NOVA1: variants seen among roughly 807,000 people sequenced by gnomAD.
NOVA1 encodes RNA-binding protein Nova-1.
Under a neutral mutation model 38.0 loss-of-function variants are expected in NOVA1, and 7 were observed. That is an observed-to-expected ratio of 0.18 (90% CI 0.10 to 0.35). NOVA1 has a LOEUF of 0.35. Ranked by LOEUF, NOVA1 falls within the 10% of genes least tolerant of loss-of-function variation. The pLI is 1.00. For missense variants in NOVA1, 460 were observed against 616.0 expected, an observed-to-expected ratio of 0.75 and a Z score of 2.68; for synonymous variants, 270 against 232.5, an observed-to-expected ratio of 1.16 and a Z score of -1.47.
intron 2 of NOVA1, among the ~76,000 whole-genome samples, chr14:26,490,008 T>C (rs1300890820): frequency 1.3e-5 from 2 of 152,122 alleles, no homozygotes; most frequent in Non-Finnish European, 2.9e-5. Flanking sequence ...CATTAAGAAA[T>C]AAATTTCCAT....
At position 26,448,165 on chromosome 14, in the gene NOVA1, C is replaced by G. The variant is rs141989198; in HGVS notation, c.1318G>C (p.Gly440Arg). 2 of 1,614,096 alleles carry G rather than the reference C, an allele frequency of 1.2e-6. No homozygotes were observed. Among genetic ancestry groups the G allele is most frequent in the African/African-American group, 1.3e-5 (1 of 74,940 alleles). Residue 440 changes from glycine (G) to arginine (R), a missense_variant, in exon 5 of 5, where the codon GGA becomes CGA. Coordinates refer to ENST00000539517, the MANE Select transcript of NOVA1 (RefSeq NM_002515.3). The surrounding 1 kb of genome is among the most constrained non-coding windows in gnomAD (Gnocchi z 5.3). Reference sequence around the variant, plus strand: ...TGGTATTCCACTAATGTTTTCCCTCCTTTGCCAAGTATTGCACCAACTAAG... The same window carrying G: ...TGGTATTCCACTAATGTTTTCCCTCGTTTGCCAAGTATTGCACCAACTAAG... Reference protein sequence around the residue: ...ENLVGAILGKGGKTLVEYQEL... With the variant: ...ENLVGAILGKRGKTLVEYQEL...
chr14:26,515,194 T>C (rs1249152709), intron 2 of NOVA1, among the ~76,000 whole-genome samples: 2 of 151,956 alleles, frequency 1.3e-5, no homozygotes, highest in African/African-American at 2.4e-5. Context: ...TGATTACTTT[T>C]GAAAATTCGC....
intron 2 of NOVA1, among the ~76,000 whole-genome samples, chr14:26,569,858 A>T (rs2138715657): frequency 6.6e-6 from 1 of 152,318 alleles, no homozygotes; most frequent in South Asian, 2.1e-4. Context: ...TATGATCTTC[A>T]CTTTCACTAT....
intron 2 of NOVA1, among the ~76,000 whole-genome samples, chr14:26,565,252 T>C (rs1406901726): frequency 1.3e-5 from 2 of 152,166 alleles, no homozygotes; most frequent in African/African-American, 4.8e-5. Context: ...CTTTTTGAAA[T>C]ACAGGTAGGT....
chr14:26,466,767 A>G (rs942151543), intron 4 of NOVA1, among the ~76,000 whole-genome samples: 4 of 152,152 alleles, frequency 2.6e-5, no homozygotes, highest in African/African-American at 9.7e-5. Context: ...ACACTACAAA[A>G]TGAGCTTTCA....
chr14:26,576,676 A>C (rs899061328), intron 2 of NOVA1, among the ~76,000 whole-genome samples: 2 of 151,706 alleles, frequency 1.3e-5, no homozygotes, highest in African/African-American at 4.8e-5. Flanking sequence ...TCTAACAATG[A>C]TAGATTTTAT....
intron 4 of NOVA1, among the ~76,000 whole-genome samples, chr14:26,455,967 T>C (rs908928755): frequency 2.2e-4 from 33 of 152,006 alleles, no homozygotes; most frequent in Admixed American, 6.6e-5. Context: ...GTTATACTGA[T>C]GAAAGGCTTA....
At chr14:26,513,676 A>G (rs1197605827) in intron 2 of NOVA1, among the ~76,000 whole-genome samples, 1 of 150,372 alleles carries the variant, frequency 6.7e-6, no homozygotes, top group Non-Finnish European at 1.5e-5. Flanking sequence ...TACCTCCTGT[A>G]AATTTTATTT....
chr14:26,573,673 G>A (rs894468154), intron 2 of NOVA1, among the ~76,000 whole-genome samples: 1 of 149,582 alleles, frequency 6.7e-6, no homozygotes, highest in Non-Finnish European at 1.5e-5. Flanking sequence ...GTTGAGGGAG[G>A]TCCTTAAAGA....
chr14:26,468,022 A>C lies in NOVA1; in HGVS notation c.519+4298T>G, dbSNP rs538333401. Among the ~76,000 whole-genome samples the C allele has an allele frequency of 3.3e-5, 5 of 152,296 alleles. No homozygotes were observed. In the East Asian group the frequency reaches 9.7e-4, roughly 29 times the overall value. Reference sequence around the variant, plus strand: ...GGACACATGACTTACTTCTCACTACAAGAATATGGCAAAAGTGATGCAATG... The same window carrying C: ...GGACACATGACTTACTTCTCACTACCAGAATATGGCAAAAGTGATGCAATG... On this transcript the variant is annotated intron_variant, in intron 4 of 4. Coordinates refer to ENST00000539517, the MANE Select transcript of NOVA1 (RefSeq NM_002515.3).
At chr14:26,594,809 T>C (rs1894081151) in intron 2 of NOVA1, among the ~76,000 whole-genome samples, 1 of 152,124 alleles carries the variant, frequency 6.6e-6, no homozygotes, top group African/African-American at 2.4e-5. Context: ...AATTTAGCTC[T>C]TAAGTTAACA....
chr14:26,487,647 T>C lies in NOVA1; in HGVS notation c.281-7504A>G, dbSNP rs576041257. 2.0e-5 allele frequency among the ~76,000 whole-genome samples: 3 copies of C among 152,266 alleles called. No homozygotes were observed. The East Asian group carries it at 5.8e-4, about 29-fold the overall frequency. The stretch of plus-strand genomic sequence containing the variant: ...CCACATACCTCCTAAGAATGTAATA[T>C]TAGGCCAGATAGCAAATTTAACACA... On this transcript the variant is annotated intron_variant, in intron 2 of 4. Transcript: ENST00000539517.
At chr14:26,584,270 T>C (rs963132814) in intron 2 of NOVA1, among the ~76,000 whole-genome samples, 2 of 151,394 alleles carry the variant, frequency 1.3e-5, no homozygotes, top group African/African-American at 4.8e-5. Context: ...CTAAGTAAAT[T>C]GGGTCTTTAT....
At chr14:26,539,850 T>C (rs1890341706) in intron 2 of NOVA1, among the ~76,000 whole-genome samples, 1 of 148,094 alleles carries the variant, frequency 6.8e-6, no homozygotes, top group Non-Finnish European at 1.5e-5. Flanking sequence ...CTTCAAAGAC[T>C]ATAATAATAA....
Position 26,444,701 on chromosome 14 carries a change from G to C in NOVA1, c.*3258C>G, listed in dbSNP as rs1270564963. 6.6e-6 allele frequency: 1 copy of C among 152,084 alleles called. No homozygotes were observed. The highest frequency in any genetic ancestry group is 1.5e-5 in the Non-Finnish European group (1 of 68,014). 9.4% of individuals were successfully genotyped at this position (152,084 alleles called of 1,614,324 possible). On this transcript the variant is annotated 3_prime_UTR_variant, in exon 5 of 5. Coordinates refer to ENST00000539517, the MANE Select transcript of NOVA1 (RefSeq NM_002515.3). ...TGGGTGAAGTGAAGTAGGATTGAAAGTCCTACAGGTAATAGCAATAACTGG... is the reference window on the plus strand; with the variant it reads ...TGGGTGAAGTGAAGTAGGATTGAAACTCCTACAGGTAATAGCAATAACTGG...
chr14:26,559,485 C>A (rs917067809), intron 2 of NOVA1, among the ~76,000 whole-genome samples: 1 of 152,012 alleles, frequency 6.6e-6, no homozygotes, highest in African/African-American at 2.4e-5. Context: ...TTGACATTTA[C>A]AAATACAAAT....
In NOVA1 at chr14:26,447,448, T is replaced by C. The variant is rs1882167709; in HGVS notation, c.*511A>G. 6.4e-6 allele frequency: 1 copy of C among 156,642 alleles called. No homozygotes were observed. The highest frequency in any genetic ancestry group is 1.4e-5 in the Non-Finnish European group (1 of 70,306). The allele number at this position is 156,642 out of a possible 1,614,324, so 9.7% of individuals were successfully genotyped here. A position where few individuals can be genotyped will look rare whatever the true frequency, so the allele number is the denominator to read the frequency against. ...TTTACAGTGCTTTTATGCAACTATA[T>C]TGCTTTTTGATCATTTTAAATTTAA... On this transcript the variant is annotated 3_prime_UTR_variant, in exon 5 of 5. Transcript: ENST00000539517.
intron 1 of NOVA1, chr14:26,597,042 G>A (rs1406190616): frequency 1.6e-6 from 2 of 1,222,756 alleles, no homozygotes; most frequent in African/African-American, 1.6e-5. Flanking sequence ...TAAATGGAAA[G>A]ATAGGTCTAT....
chr14:26,488,510 A>T (rs1034112478), intron 2 of NOVA1, among the ~76,000 whole-genome samples: 2 of 152,184 alleles, frequency 1.3e-5, no homozygotes, highest in Non-Finnish European at 2.9e-5. Context: ...AATTTTATAT[A>T]ACAACTGCAA....
Sources: gnomAD v4.1 joint callset for allele counts (sites outside exome capture counted in the v4.1 genomes callset) on GRCh38, gnomAD v4.1.1 for gene constraint, Gnocchi (gnomAD v3.1) non-coding constraint, MANE v1.5 for transcripts, NCBI Gene and HGNC (gene_info 2026-07-23, HGNC 2026-07-21) for gene names.